The following CIMIP1 variants were observed in gnomAD, a reference collection of about 807,000 sequenced individuals.
CIMIP1 encodes the protein low in lung cancer 1.
chr20:58,160,956 G>A, the CIMIP1 span: 1 of 987,308 alleles, frequency 1.0e-6, no homozygotes, highest in Non-Finnish European at 1.4e-6. Flanking sequence ...ATGTTGCAAA[G>A]AACACAAAGT....
chr20:58,153,679 T>C, the CIMIP1 span: 106 of 1,258,794 alleles, frequency 8.4e-5, no homozygotes, highest in Admixed American at 5.2e-4. Flanking sequence ...TTTCAAAGAA[T>C]GAATGATTAC....
At chr20:58,158,268 G>C in the CIMIP1 span, among the ~76,000 whole-genome samples, 1 of 152,192 alleles carries the variant, frequency 6.6e-6, no homozygotes, top group Non-Finnish European at 1.5e-5. Context: ...CAGAGCCTGT[G>C]GGGTGGCAGG....
chr20:58,155,386 C>A, the CIMIP1 span: 2 of 1,162,972 alleles, frequency 1.7e-6, no homozygotes, highest in Non-Finnish European at 2.5e-6. Context: ...TCACCTGAGG[C>A]TTCCCGTCTC....
At chr20:58,156,350 G>A in the CIMIP1 span, among the ~76,000 whole-genome samples, 119 of 152,250 alleles carry the variant, frequency 7.8e-4, no homozygotes, top group Admixed American at 1.0e-3. Flanking sequence ...TATTCTAGGC[G>A]CAGGGAACAG....
At chr20:58,150,990 C>T in the CIMIP1 span, 4 of 1,608,996 alleles carry the variant, frequency 2.5e-6, no homozygotes. Flanking sequence ...CTCAGCACCG[C>T]GGCGGCTGAA....
the CIMIP1 span, chr20:58,160,899 C>T: frequency 6.7e-7 from 1 of 1,499,126 alleles, no homozygotes; most frequent in East Asian, 2.3e-5. Context: ...AAAGGAAGAG[C>T]TCCCCTGAAT....
chr20:58,160,787 C>T, the CIMIP1 span: 152 of 1,613,626 alleles, frequency 9.4e-5, no homozygotes, highest in African/African-American at 1.2e-4. Context: ...TGCTTTTGCA[C>T]GAGAGCTGTG....
the CIMIP1 span, chr20:58,160,760 A>G: frequency 1.2e-6 from 2 of 1,614,096 alleles, no homozygotes; most frequent in East Asian, 4.5e-5. Context: ...CGACGATGCG[A>G]TCAGAAGCTG....
chr20:58,158,574 C>T, the CIMIP1 span, among the ~76,000 whole-genome samples: 36 of 151,934 alleles, frequency 2.4e-4, 1 homozygote, highest in African/African-American at 8.0e-4. Context: ...GACGTGAACC[C>T]GGGAGGTGCA....
chr20:58,160,661 G>C, the CIMIP1 span: 10 of 1,612,834 alleles, frequency 6.2e-6, no homozygotes, highest in East Asian at 2.0e-4. Flanking sequence ...TCCATTCCAG[G>C]TCTTTCCATC....
the CIMIP1 span, among the ~76,000 whole-genome samples, chr20:58,160,034 A>T: frequency 4.5e-4 from 68 of 152,226 alleles, no homozygotes; most frequent in African/African-American, 1.6e-3. Flanking sequence ...CTTTGTTCAA[A>T]TCCCCTTATG....
the CIMIP1 span, among the ~76,000 whole-genome samples, chr20:58,153,043 G>T: frequency 6.6e-6 from 1 of 152,178 alleles, no homozygotes; most frequent in East Asian, 1.9e-4. Flanking sequence ...TCAGCTCATG[G>T]GTAGTTAGAT....
the CIMIP1 span, among the ~76,000 whole-genome samples, chr20:58,153,271 G>C: frequency 6.6e-6 from 1 of 152,118 alleles, no homozygotes; most frequent in Admixed American, 6.5e-5. Flanking sequence ...TACCTAGAAG[G>C]CTCCTCAGGC....
chr20:58,156,817 G>A, the CIMIP1 span, among the ~76,000 whole-genome samples: 1 of 152,108 alleles, frequency 6.6e-6, no homozygotes, highest in African/African-American at 2.4e-5. Flanking sequence ...TATGGAGAAG[G>A]TGGTTCTGCG....
chr20:58,154,754 T>C, the CIMIP1 span, among the ~76,000 whole-genome samples: 1 of 152,170 alleles, frequency 6.6e-6, no homozygotes, highest in African/African-American at 2.4e-5. Flanking sequence ...GAGTGGACGC[T>C]CTCCTCTAAT....
chr20:58,151,371 A>G, the CIMIP1 span, among the ~76,000 whole-genome samples: 3 of 151,686 alleles, frequency 2.0e-5, no homozygotes, highest in Admixed American at 1.3e-4. Flanking sequence ...TCAGCATCCA[A>G]CCAGAACGTG....
At chr20:58,155,651 C>A in the CIMIP1 span, 2 of 1,155,026 alleles carry the variant, frequency 1.7e-6, no homozygotes, top group Non-Finnish European at 2.5e-6. Flanking sequence ...AAACTGATGG[C>A]TCCAGATGTG....
At chr20:58,156,919 T>C in the CIMIP1 span, among the ~76,000 whole-genome samples, 1 of 152,168 alleles carries the variant, frequency 6.6e-6, no homozygotes, top group African/African-American at 2.4e-5. Context: ...GCTCGTGGTC[T>C]GATGGGGTAG....
chr20:58,160,997 C>T, the CIMIP1 span: 2 of 599,708 alleles, frequency 3.3e-6, no homozygotes, highest in Non-Finnish European at 5.4e-6. Context: ...TCATCAGCGT[C>T]ACCCTTCCAG....
Sources: allele counts gnomAD v4.1 joint callset (sites outside exome capture counted in the v4.1 genomes callset), GRCh38; gene constraint gnomAD v4.1.1; transcripts MANE v1.5; gene names NCBI Gene and HGNC (gene_info 2026-07-23, HGNC 2026-07-21).